Variants in EHBP1 observed in about 807,000 individuals in gnomAD.
EHBP1 encodes the protein EH domain-binding protein 1.
EHBP1 carries 55 observed loss-of-function variants against 144.0 expected under a neutral mutation model. The observed-to-expected ratio is 0.38, with a 90% CI of 0.31 to 0.48. EHBP1 has a LOEUF of 0.48. EHBP1 is among the 20% of genes least tolerant of loss of function. The pLI is 0.98. For synonymous variants in EHBP1, 469 were observed against 472.7 expected, an observed-to-expected ratio of 0.99 and a Z score of 0.10; for missense variants, 1,200 against 1,364.2, an observed-to-expected ratio of 0.88 and a Z score of 1.90.
chr2:62,845,696 T>TAA (rs776199283), intron 7 of EHBP1, among the ~76,000 whole-genome samples: 3 of 133,236 alleles, frequency 2.3e-5, no homozygotes, highest in African/African-American at 2.8e-5. Flanking sequence ...TGGGCTCAAT[T>TAA]AAAAAAAAAA....
chr2:63,024,983 G>A (rs944755612), intron 19 of EHBP1, among the ~76,000 whole-genome samples: 29 of 151,350 alleles, frequency 1.9e-4, no homozygotes, highest in Non-Finnish European at 1.5e-4. Context: ...GCAACAGAGC[G>A]AGATCCACTC....
intron 2 of EHBP1, among the ~76,000 whole-genome samples, chr2:62,743,055 AT>A (rs899142987): frequency 6.6e-6 from 1 of 152,116 alleles, no homozygotes; most frequent in Non-Finnish European, 1.5e-5. Context: ...CACAGATAGC[AT>A]TTTGAGGTAT....
In EHBP1 at chr2:63,032,004, G is replaced by A. The variant is rs144931609; in HGVS notation, c.3104-5531G>A. Among the ~76,000 whole-genome samples the A allele has an allele frequency of 2.6e-3, 396 of 151,924 alleles. 1 individual carries two copies. Among genetic ancestry groups the A allele is most frequent in the African/African-American group, 8.8e-3 (363 of 41,446 alleles). ...AATTTTATCAGTTATATTTTTTTCC[G>A]TAATGACTACTTTGATGCTTTTTTA... On this transcript the variant is annotated intron_variant, in intron 19 of 22. Coordinates refer to ENST00000431489, the MANE Select transcript of EHBP1 (RefSeq NM_001142616.3).
intron 5 of EHBP1, among the ~76,000 whole-genome samples, chr2:62,786,832 G>A (rs1443060161): frequency 1.3e-5 from 2 of 152,058 alleles, no homozygotes; most frequent in South Asian, 2.1e-4. Flanking sequence ...CTGCAGAGTG[G>A]GCAATTTTGA....
intron 5 of EHBP1, among the ~76,000 whole-genome samples, chr2:62,777,470 G>A (rs1260774518): frequency 6.6e-6 from 1 of 151,870 alleles, no homozygotes; most frequent in East Asian, 1.9e-4. Flanking sequence ...AGTCAGTTAA[G>A]ACATGCAGAA....
chr2:62,852,846 A>T (rs554677267), intron 7 of EHBP1, among the ~76,000 whole-genome samples: 13 of 152,320 alleles, frequency 8.5e-5, no homozygotes, highest in African/African-American at 3.1e-4. Context: ...CTGAGAAATT[A>T]GCTAGGTTAC....
rs1460013304 is a variant in EHBP1, at chr2:62,948,963, G to C, written c.2117G>C (p.Arg706Thr). 6.2e-7 allele frequency: 1 copy of C among 1,613,956 alleles called. No homozygotes were observed. Among genetic ancestry groups the C allele is most frequent in the Non-Finnish European group, 8.5e-7 (1 of 1,179,952 alleles). Residue 706 changes from arginine (R) to threonine (T), a missense_variant, in exon 13 of 23, where the codon AGA (arginine) becomes ACA (threonine). Transcript: ENST00000431489. The part of the protein sequence containing the change: ...NLEKEKLENS[R>T]SLECRSDPES... ...GAGAAAGAAAAATTAGAGAATTCCA[G>C]ATCCTTAGAATGCAGATCAGATCCA...
At chr2:63,030,736 C>T (rs1389070686) in intron 19 of EHBP1, among the ~76,000 whole-genome samples, 1 of 150,846 alleles carries the variant, frequency 6.6e-6, no homozygotes, top group African/African-American at 2.4e-5. Flanking sequence ...AATGATCTGC[C>T]TGCCTCGGCA....
At chr2:62,897,758 T>C (rs2053059308) in intron 10 of EHBP1, among the ~76,000 whole-genome samples, 2 of 152,184 alleles carry the variant, frequency 1.3e-5, no homozygotes, top group Non-Finnish European at 2.9e-5. Flanking sequence ...TCCTATCTCC[T>C]AGAAAATGGC....
chr2:63,032,674 C>A (rs2061307665), intron 19 of EHBP1, among the ~76,000 whole-genome samples: 2 of 151,426 alleles, frequency 1.3e-5, no homozygotes, highest in African/African-American at 2.4e-5. Context: ...ATAGCTTCTT[C>A]CTATGTGTAA....
At chr2:62,894,268 A>G (rs1329434802) in intron 10 of EHBP1, among the ~76,000 whole-genome samples, 1 of 152,218 alleles carries the variant, frequency 6.6e-6, no homozygotes, top group Non-Finnish European at 1.5e-5. Context: ...GGTACATTAT[A>G]ATTAGGGCTA....
At chr2:62,864,274 A>C (rs1473092940) in intron 8 of EHBP1, among the ~76,000 whole-genome samples, 1 of 152,170 alleles carries the variant, frequency 6.6e-6, no homozygotes, top group Non-Finnish European at 1.5e-5. Flanking sequence ...CGTCCCTGGG[A>C]ACTGGCACTA....
chr2:62,735,448 T>A (rs2038032766), intron 2 of EHBP1, among the ~76,000 whole-genome samples: 1 of 152,162 alleles, frequency 6.6e-6, no homozygotes, highest in African/African-American at 2.4e-5. Context: ...GTCATTCATT[T>A]CACTTATATA....
In EHBP1 at chr2:62,826,287, A is replaced by G. The variant is rs565625147; in HGVS notation, c.494+19A>G. On this transcript the variant is annotated intron_variant, in intron 6 of 22. Coordinates refer to ENST00000431489, the MANE Select transcript of EHBP1 (RefSeq NM_001142616.3). ...AAGCCACGTAAGTTTCTTTTGTCAA[A>G]TAAGCTTCCTTACATTGTGTTTCAG... 3.9e-5 allele frequency: 61 copies of G among 1,579,200 alleles called. No individual in the cohort carries two copies. In the South Asian group the frequency reaches 7.1e-4, roughly 18 times the overall value.
chr2:62,961,034 C>T (rs2057977488), intron 14 of EHBP1, among the ~76,000 whole-genome samples: 1 of 152,194 alleles, frequency 6.6e-6, no homozygotes, highest in South Asian at 2.1e-4. Flanking sequence ...ACAAAACATT[C>T]CCTTCCAAAA....
rs775715037 is a variant in EHBP1 at position 62,980,042 on chromosome 2, C to T, written c.2608+707C>T. Among the ~76,000 whole-genome samples, 68 of 152,054 alleles carry T rather than the reference C, an allele frequency of 4.5e-4. 1 individual carries two copies. The highest frequency in any genetic ancestry group is 5.6e-4 in the Non-Finnish European group (38 of 68,024). ...AACCTACTTATCTACTAAAACATGC[C>T]AGATACTTGCCCTGAGTTAATCTTA... On this transcript the variant is annotated intron_variant, in intron 15 of 22. Transcript: ENST00000431489.
chr2:62,929,878 C>G (rs550317786), intron 10 of EHBP1, among the ~76,000 whole-genome samples: 10 of 151,768 alleles, frequency 6.6e-5, no homozygotes, highest in African/African-American at 2.2e-4. Flanking sequence ...TAGCATGATA[C>G]AAAAACCAAT....
At position 62,747,392 on chromosome 2, in the gene EHBP1, CA is replaced by C; in HGVS notation, c.105-2del. On this transcript the variant is annotated splice_acceptor_variant, in intron 2 of 22. Transcript: ENST00000431489. LOFTEE classifies it high-confidence loss of function. ...TATGTTTAACTTTTTTTTTGTTTGG[CA>C]GGCAACCAGATAAACTGGTGGTAGT... 9 of 1,606,714 alleles carry C rather than the reference CA, an allele frequency of 5.6e-6. No individual in the cohort carries two copies. Among genetic ancestry groups the C allele is most frequent in the Non-Finnish European group, 6.8e-6 (8 of 1,176,590 alleles).
At chr2:62,825,928 C>T (rs1443434527) in intron 5 of EHBP1, 159 bp from the exon 6 acceptor site, 2 of 491,860 alleles carry the variant, frequency 4.1e-6, no homozygotes, top group South Asian at 6.0e-5. Context: ...AACTGTGATA[C>T]AACTTCATTG....
Sources: allele counts gnomAD v4.1 joint callset (sites outside exome capture counted in the v4.1 genomes callset), GRCh38; gene constraint gnomAD v4.1.1; transcripts MANE v1.5; gene names NCBI Gene and HGNC (gene_info 2026-07-23, HGNC 2026-07-21).